Variants in C8orf34 observed in about 807,000 individuals in gnomAD.
C8orf34 encodes uncharacterized protein C8orf34.
A neutral mutation model predicts 68.3 loss-of-function variants in C8orf34; 65 were observed. That is an observed-to-expected ratio of 0.95 (90% CI 0.78 to 1.17). C8orf34 has a LOEUF of 1.17. Among genes scored for constraint, C8orf34 ranks in the 50% most tolerant of loss-of-function variants. The pLI, the probability that C8orf34 is intolerant of heterozygous loss-of-function variation, is 0.00. For missense variants in C8orf34, 664 were observed against 655.4 expected, an observed-to-expected ratio of 1.01 and a Z score of -0.14; for synonymous variants, 244 against 241.2, an observed-to-expected ratio of 1.01 and a Z score of -0.11.
At chr8:68,765,315 G>A (rs553952694) in intron 10 of C8orf34, among the ~76,000 whole-genome samples, 1 of 152,316 alleles carries the variant, frequency 6.6e-6, no homozygotes, top group African/African-American at 2.4e-5. Flanking sequence ...ACCTTTGTTT[G>A]ACTCCAAAGC....
chr8:68,753,835 A>T (rs1307853376), intron 10 of C8orf34, among the ~76,000 whole-genome samples: 1 of 152,164 alleles, frequency 6.6e-6, no homozygotes, highest in African/African-American at 2.4e-5. Flanking sequence ...GTTGAAATTG[A>T]CTAATCACTT....
intron 4 of C8orf34, among the ~76,000 whole-genome samples, chr8:68,472,252 A>G (rs932923467): frequency 8.5e-5 from 13 of 152,084 alleles, no homozygotes; most frequent in African/African-American, 2.9e-4. Context: ...TAGCATTTCT[A>G]TACTTTCCTC....
At chr8:68,616,856 T>C (rs1818234407) in intron 7 of C8orf34, among the ~76,000 whole-genome samples, 1 of 152,164 alleles carries the variant, frequency 6.6e-6, no homozygotes, top group Non-Finnish European at 1.5e-5. Flanking sequence ...GTTAACTTTG[T>C]CTCATTGATC....
intron 10 of C8orf34, among the ~76,000 whole-genome samples, chr8:68,740,357 A>G (rs963681607): frequency 6.6e-6 from 1 of 152,214 alleles, no homozygotes; most frequent in African/African-American, 2.4e-5. Flanking sequence ...TGTATCTGAC[A>G]AAGGTCTAAT....
chr8:68,527,534 T>C (rs987488615), intron 6 of C8orf34, among the ~76,000 whole-genome samples: 3 of 152,130 alleles, frequency 2.0e-5, no homozygotes, highest in Admixed American at 6.5e-5. Context: ...ATCGTGCCAC[T>C]GCACTCCAGG....
chr8:68,723,566 C>A (rs1468859789), intron 10 of C8orf34, among the ~76,000 whole-genome samples: 1 of 152,012 alleles, frequency 6.6e-6, no homozygotes, highest in East Asian at 1.9e-4. Context: ...AAATGTTCTG[C>A]CATTTATAAA....
At chr8:68,696,659 T>C (rs1820844256) in intron 8 of C8orf34, among the ~76,000 whole-genome samples, 1 of 152,056 alleles carries the variant, frequency 6.6e-6, no homozygotes, top group Non-Finnish European at 1.5e-5. Context: ...TCACAAGCAC[T>C]CATCTGTCCC....
At chr8:68,715,972 A>T (rs1008764283) in intron 9 of C8orf34, among the ~76,000 whole-genome samples, 1 of 152,208 alleles carries the variant, frequency 6.6e-6, no homozygotes, top group Non-Finnish European at 1.5e-5. Context: ...ACACCATGAA[A>T]TACTACTCAA....
chr8:68,536,656 T>C (rs1485214046), intron 7 of C8orf34, among the ~76,000 whole-genome samples: 1 of 152,090 alleles, frequency 6.6e-6, no homozygotes, highest in Non-Finnish European at 1.5e-5. Flanking sequence ...ATATGGGTAT[T>C]ACTATCCCAT....
In C8orf34 at chr8:68,734,560, A is replaced by G. The variant is rs542481962; in HGVS notation, c.1404+13123A>G. Among the ~76,000 whole-genome samples, 11 of 152,330 alleles carry G rather than the reference A, an allele frequency of 7.2e-5. No homozygotes were observed. In the East Asian group the frequency reaches 1.7e-3, roughly 24 times the overall value. ...TATTCCCAACAAAACTTCCACCTCC[A>G]GATCCCTTTCAGTTTCCATTCCTGT... On this transcript the variant is annotated intron_variant, in intron 10 of 13. Transcript: ENST00000518698.
chr8:68,695,021 A>G (rs540244786), intron 8 of C8orf34, among the ~76,000 whole-genome samples: 1 of 152,234 alleles, frequency 6.6e-6, no homozygotes, highest in South Asian at 2.1e-4. Flanking sequence ...TCGCAGGGTT[A>G]TGTTAAACAC....
chr8:68,401,587 G>T (rs1044334901), intron 1 of C8orf34, among the ~76,000 whole-genome samples: 1 of 151,654 alleles, frequency 6.6e-6, no homozygotes, highest in African/African-American at 2.4e-5. Flanking sequence ...GTCATAAGGG[G>T]ATGCTGAATT....
chr8:68,750,454 A>G (rs1822671549), intron 10 of C8orf34, among the ~76,000 whole-genome samples: 1 of 152,146 alleles, frequency 6.6e-6, no homozygotes, highest in Non-Finnish European at 1.5e-5. Context: ...CCAGGGAGGA[A>G]AGAAAAAAGG....
At chr8:68,404,479 G>A (rs564053099) in intron 1 of C8orf34, among the ~76,000 whole-genome samples, 2 of 152,236 alleles carry the variant, frequency 1.3e-5, no homozygotes, top group African/African-American at 4.8e-5. Flanking sequence ...TATTGCCTCG[G>A]TTTTCTTCTA....
intron 1 of C8orf34, among the ~76,000 whole-genome samples, chr8:68,354,649 C>T (rs1390459509): frequency 1.3e-5 from 2 of 152,040 alleles, no homozygotes; most frequent in Non-Finnish European, 2.9e-5. Flanking sequence ...CTTTCTATGC[C>T]ATTTCTCTGT....
At chr8:68,476,299 T>C (rs554319764) in intron 4 of C8orf34, among the ~76,000 whole-genome samples, 4 of 152,286 alleles carry the variant, frequency 2.6e-5, no homozygotes, top group South Asian at 2.1e-4. Flanking sequence ...TGAGGAGTCA[T>C]AGAAGAATCT....
rs1178737640 is a variant in C8orf34, at chr8:68,569,384, G to A, written c.1105+36235G>A. 2.0e-5 allele frequency among the ~76,000 whole-genome samples: 3 copies of A among 152,232 alleles called. No individual in the cohort carries two copies. The South Asian group carries it at 6.2e-4, about 31-fold the overall frequency. On this transcript the variant is annotated intron_variant, in intron 7 of 13. Coordinates refer to ENST00000518698, the MANE Select transcript of C8orf34 (RefSeq NM_052958.4). ...ATGAAGAAGCAAAGGGGACCAAGAA[G>A]TAGGAGACAGCAAACACAAACAGGA... is the stretch of plus-strand genomic sequence containing the variant.
chr8:68,545,327 G>A (rs1010392528), intron 7 of C8orf34, among the ~76,000 whole-genome samples: 5 of 152,062 alleles, frequency 3.3e-5, no homozygotes, highest in African/African-American at 1.2e-4. Flanking sequence ...TGATTGTGAG[G>A]CCTCCCAAGC....
At chr8:68,383,195 T>C (rs1517127) in intron 1 of C8orf34, among the ~76,000 whole-genome samples, 23,373 of 152,198 alleles carry the variant, frequency 0.15, 2,053 homozygotes, top group Middle Eastern at 0.21. Flanking sequence ...ATGTTTATAT[T>C]CTTTATTTAC....
Sources: allele counts gnomAD v4.1 joint callset (sites outside exome capture counted in the v4.1 genomes callset), GRCh38; gene constraint gnomAD v4.1.1; transcripts MANE v1.5; gene names NCBI Gene and HGNC (gene_info 2026-07-23, HGNC 2026-07-21).